The following RPS6KA5 variants were observed in gnomAD, a reference collection of about 807,000 sequenced individuals.
The protein encoded by RPS6KA5 is ribosomal protein S6 kinase A5.
In RPS6KA5, 27 loss-of-function variants were observed where a neutral mutation model predicts 85.5. The observed-to-expected ratio is 0.32, with a 90% CI of 0.23 to 0.44. The LOEUF (loss-of-function observed/expected upper bound fraction) is 0.44. Among genes scored for constraint, RPS6KA5 ranks in the 20% least tolerant of loss-of-function variants. RPS6KA5 has a pLI of 1.00. For missense variants in RPS6KA5, 811 were observed against 980.9 expected, an observed-to-expected ratio of 0.83 and a Z score of 2.31; for synonymous variants, 334 against 348.2, an observed-to-expected ratio of 0.96 and a Z score of 0.46.
At chr14:90,875,435 C>G (rs186026930) in intron 14 of RPS6KA5, 75 bp from the exon 15 acceptor site, 1 of 1,340,132 alleles carries the variant, frequency 7.5e-7, no homozygotes, top group African/African-American at 1.5e-5. Flanking sequence ...CTAATAGTAA[C>G]GTAACTGGTG....
chr14:90,848,546 T>C lies in RPS6KA5; in HGVS notation c.*23528A>G, dbSNP rs760171076. The C allele has an allele frequency of 4.6e-5, 7 of 152,250 alleles. No homozygotes were observed. Among genetic ancestry groups the C allele is most frequent in the Middle Eastern group, 6.8e-3 (2 of 294 alleles). The allele number at this position is 152,250 out of a possible 1,614,324, so 9.4% of individuals were successfully genotyped here. On this transcript the variant is annotated 3_prime_UTR_variant, in exon 17 of 17. Transcript: ENST00000614987. The stretch of plus-strand genomic sequence containing the variant: ...CTGGGGGGAATTAATGCTAGATTAA[T>C]GTGAATAAAATAAAGGAAAATGACA...
At chr14:90,902,403 T>G (rs904028788) in intron 9 of RPS6KA5, among the ~76,000 whole-genome samples, 1 of 151,858 alleles carries the variant, frequency 6.6e-6, no homozygotes, top group African/African-American at 2.4e-5. Context: ...GAGGATCACT[T>G]GAGCCCAGGA....
At chr14:90,930,069 G>A (rs1253408311) in intron 5 of RPS6KA5, among the ~76,000 whole-genome samples, 1 of 152,076 alleles carries the variant, frequency 6.6e-6, no homozygotes, top group African/African-American at 2.4e-5. Context: ...ATGAATTCTT[G>A]CTATATTGCC....
At chr14:90,946,051 A>G (rs531165699) in intron 4 of RPS6KA5, among the ~76,000 whole-genome samples, 1 of 152,202 alleles carries the variant, frequency 6.6e-6, no homozygotes, top group Non-Finnish European at 1.5e-5. Flanking sequence ...TCATTTTTAT[A>G]TTATAAACTA....
intron 1 of RPS6KA5, among the ~76,000 whole-genome samples, chr14:91,048,621 C>A (rs1447082002): frequency 6.6e-6 from 1 of 152,168 alleles, no homozygotes; most frequent in Non-Finnish European, 1.5e-5. Flanking sequence ...GAGAGGGACA[C>A]TGCTAGAAAC....
chr14:91,060,256 G>A, intron 1 of RPS6KA5, 76 bp downstream of exon 1: 3 of 994,574 alleles, frequency 3.0e-6, no homozygotes, highest in Non-Finnish European at 3.6e-6. Context: ...CGCGCCCCCA[G>A]CCCCGCGCGG....
intron 8 of RPS6KA5, 41 bp downstream of exon 8, chr14:90,906,108 G>T: frequency 3.9e-6 from 6 of 1,521,060 alleles, no homozygotes; most frequent in Non-Finnish European, 4.5e-6. Flanking sequence ...CCCTGAAAAC[G>T]GCAAGGAGTA....
At chr14:90,985,301 T>C (rs1247342061) in intron 2 of RPS6KA5, among the ~76,000 whole-genome samples, 4 of 152,240 alleles carry the variant, frequency 2.6e-5, no homozygotes, top group Non-Finnish European at 5.9e-5. Context: ...TATTTTTAAT[T>C]TGTAAAAACA....
At chr14:90,876,240 A>G (rs994630182) in intron 14 of RPS6KA5, among the ~76,000 whole-genome samples, 2 of 152,232 alleles carry the variant, frequency 1.3e-5, no homozygotes, top group Non-Finnish European at 2.9e-5. Flanking sequence ...CAGAAAATAG[A>G]GAGATAGCAG....
chr14:90,870,965 C>T lies in RPS6KA5; in HGVS notation c.*1109G>A, dbSNP rs977322765. The T allele has an allele frequency of 2.6e-5, 4 of 152,338 alleles. No individual in the cohort carries two copies. The highest frequency in any genetic ancestry group is 1.3e-4 in the Admixed American group (2 of 15,240). The allele number at this position is 152,338 out of a possible 1,614,324, so 9.4% of individuals were successfully genotyped here. On this transcript the variant is annotated 3_prime_UTR_variant, in exon 17 of 17. Transcript: ENST00000614987. ...GCTCTGCATAAGTTTATAAAATATGCTTTCTGGATTTAAAATTTAACAGAA... is the reference window on the plus strand; with the variant it reads ...GCTCTGCATAAGTTTATAAAATATGTTTTCTGGATTTAAAATTTAACAGAA...
Position 90,853,164 on chromosome 14 carries a change from C to T in RPS6KA5, c.*18910G>A, listed in dbSNP as rs1233160247. The T allele has an allele frequency of 6.6e-6, 1 of 152,108 alleles. No homozygotes were observed. The highest frequency in any genetic ancestry group is 2.4e-5 in the African/African-American group (1 of 41,416). 9.4% of individuals were successfully genotyped at this position (152,108 alleles called of 1,614,324 possible). On this transcript the variant is annotated 3_prime_UTR_variant, in exon 17 of 17. Coordinates refer to ENST00000614987, the MANE Select transcript of RPS6KA5 (RefSeq NM_004755.4). ...TAAAAAAAATTGTTATGATGCTTTA[C>T]TTAATTTGCCCATTTCTCAACATAG...
At chr14:90,992,430 G>C (rs1238436026) in intron 2 of RPS6KA5, among the ~76,000 whole-genome samples, 1 of 152,076 alleles carries the variant, frequency 6.6e-6, no homozygotes, top group Non-Finnish European at 1.5e-5. Context: ...TTGTCTTCAA[G>C]GCCTGTAACC....
chr14:90,892,183 G>A (rs759396513), intron 13 of RPS6KA5, among the ~76,000 whole-genome samples: 2 of 151,898 alleles, frequency 1.3e-5, no homozygotes, highest in Non-Finnish European at 2.9e-5. Context: ...TGTATTTTTA[G>A]TAGAGATGAG....
At position 90,869,587 on chromosome 14, in the gene RPS6KA5, T is replaced by C. The variant is rs921941792; in HGVS notation, c.*2487A>G. The C allele has an allele frequency of 6.6e-6, 1 of 152,174 alleles. No individual in the cohort carries two copies. Among genetic ancestry groups the C allele is most frequent in the African/African-American group, 2.4e-5 (1 of 41,432 alleles). 9.4% of individuals were successfully genotyped at this position (152,174 alleles called of 1,614,324 possible). A position where few individuals can be genotyped will look rare whatever the true frequency, so the allele number is the denominator to read the frequency against. The stretch of plus-strand genomic sequence containing the variant: ...AAGTTAATGTCATAAGGAGAAATAA[T>C]GTAAGTATTTGTATTTCTTAGATCT... On this transcript the variant is annotated 3_prime_UTR_variant, in exon 17 of 17. Coordinates refer to ENST00000614987, the MANE Select transcript of RPS6KA5 (RefSeq NM_004755.4).
chr14:90,919,654 A>T (rs1185611848), intron 7 of RPS6KA5, among the ~76,000 whole-genome samples: 1 of 152,178 alleles, frequency 6.6e-6, no homozygotes, highest in Non-Finnish European at 1.5e-5. Context: ...AGAGCTTACA[A>T]TCTAGTGTGA....
intron 6 of RPS6KA5, among the ~76,000 whole-genome samples, chr14:90,921,534 C>A (rs2036399959): frequency 6.6e-6 from 1 of 152,212 alleles, no homozygotes; most frequent in Admixed American, 6.5e-5. Context: ...TCCCCAACAG[C>A]TTCAAAGAAT....
At chr14:90,959,727 C>T (rs575477948) in intron 3 of RPS6KA5, among the ~76,000 whole-genome samples, 3 of 152,282 alleles carry the variant, frequency 2.0e-5, no homozygotes, top group Non-Finnish European at 2.9e-5. Context: ...GAAAGCGCTT[C>T]GTGCTAATTC....
rs1045441592 is a variant in RPS6KA5 at position 90,858,112 on chromosome 14, C to T, written c.*13962G>A. 1.3e-4 allele frequency: 20 copies of T among 152,110 alleles called. No individual in the cohort carries two copies. Among genetic ancestry groups the T allele is most frequent in the Non-Finnish European group, 2.9e-4 (20 of 68,010 alleles). The allele number at this position is 152,110 out of a possible 1,614,324, so 9.4% of individuals were successfully genotyped here. ...CTCCTACTGAAAACAACGATGAAAG[C>T]TATATTAACCCTTTTCCGGTTTAGA... On this transcript the variant is annotated 3_prime_UTR_variant, in exon 17 of 17. Coordinates refer to ENST00000614987, the MANE Select transcript of RPS6KA5 (RefSeq NM_004755.4).
At chr14:91,014,664 G>C (rs2041406993) in intron 1 of RPS6KA5, among the ~76,000 whole-genome samples, 1 of 151,858 alleles carries the variant, frequency 6.6e-6, no homozygotes, top group Non-Finnish European at 1.5e-5. Flanking sequence ...TTTCTAAATA[G>C]CGATATAAAG....
Sources: gnomAD v4.1 joint callset for allele counts (sites outside exome capture counted in the v4.1 genomes callset) on GRCh38, gnomAD v4.1.1 for gene constraint, MANE v1.5 for transcripts, NCBI Gene and HGNC (gene_info 2026-07-23, HGNC 2026-07-21) for gene names.